MLXIPL: variants seen among roughly 807,000 people sequenced by gnomAD.
MLXIPL encodes carbohydrate-responsive element-binding protein.
Under a neutral mutation model 81.5 loss-of-function variants are expected in MLXIPL, and 49 were observed. The observed-to-expected ratio is 0.60, with a 90% CI of 0.48 to 0.76. The LOEUF is 0.76. Ranked by LOEUF, MLXIPL falls within the 30% of genes least tolerant of loss-of-function variation. The probability of loss-of-function intolerance (pLI) is 0.00; values close to 1 mark genes in which losing one functional copy is unlikely to be tolerated. For missense variants in MLXIPL, 1,053 were observed against 1,167.0 expected (o/e 0.90, Z 1.42); for synonymous variants, 466 against 485.5 (o/e 0.96, Z 0.53).
chr7:73,597,784 C>T (rs1454511789), intron 8 of MLXIPL, 71 bp from the exon 9 acceptor site: 1 of 1,187,686 alleles, frequency 8.4e-7, no homozygotes, highest in Non-Finnish European at 1.1e-6. Context: ...TCTGGGCCTC[C>T]CCTGCCCTGC....
At chr7:73,628,814 T>C (rs1304278964), upstream of MLXIPL, among the ~76,000 whole-genome samples, 3 of 152,182 alleles carry the variant, frequency 2.0e-5, no homozygotes, top group South Asian at 2.1e-4. Context: ...TTGTTCATGG[T>C]CCATGGAGAT....
intron 1 of MLXIPL, among the ~76,000 whole-genome samples, chr7:73,616,608 G>A (rs1383423728): frequency 3.9e-5 from 6 of 152,070 alleles, no homozygotes; most frequent in African/African-American, 7.2e-5. Flanking sequence ...AGAACTTTGC[G>A]GGGCCAAGGC....
At chr7:73,631,742 C>T in the MLXIPL span, among the ~76,000 whole-genome samples, 7 of 148,732 alleles carry the variant, frequency 4.7e-5, no homozygotes, top group East Asian at 1.2e-3. Flanking sequence ...TCCTTTCCTT[C>T]CTCTCTCCCC....
At position 73,616,066 on chromosome 7, in the gene MLXIPL, C is replaced by A. The variant is rs1795991187; in HGVS notation, c.400+5G>T. ...CGGCTTGGGAGGCTGGTGGTAGCCA[C>A]TCACACTGGATATACCAGGCCCTCC... On this transcript the variant is annotated splice_donor_5th_base_variant and intron_variant, in intron 2 of 16. Coordinates refer to ENST00000313375, the MANE Select transcript of MLXIPL (RefSeq NM_032951.3). The A allele has an allele frequency of 6.2e-7, 1 of 1,612,638 alleles. No homozygotes were observed. Among genetic ancestry groups the A allele is most frequent in the Non-Finnish European group, 8.5e-7 (1 of 1,178,836 alleles).
chr7:73,594,974 T>C (rs1794155879), intron 15 of MLXIPL, among the ~76,000 whole-genome samples: 1 of 151,622 alleles, frequency 6.6e-6, no homozygotes, highest in African/African-American at 2.4e-5. Flanking sequence ...GCCTCCCGAG[T>C]AGTTGGGATT....
chr7:73,612,184 A>G (rs1554599866), intron 2 of MLXIPL, among the ~76,000 whole-genome samples: 1 of 151,786 alleles, frequency 6.6e-6, no homozygotes, highest in Non-Finnish European at 1.5e-5. Flanking sequence ...AATAAAAAAT[A>G]GCTGGGTGTG....
chr7:73,598,103 A>C (rs782416214), intron 8 of MLXIPL, among the ~76,000 whole-genome samples: 4 of 151,498 alleles, frequency 2.6e-5, no homozygotes, highest in Non-Finnish European at 5.9e-5. Flanking sequence ...TCCATCCACC[A>C]ACCAACCTAC....
In MLXIPL at chr7:73,595,771, G is replaced by A. The variant is rs1794231899; in HGVS notation, c.2187-11C>T. 1.3e-6 allele frequency: 2 copies of A among 1,585,330 alleles called. No individual in the cohort carries two copies. Among genetic ancestry groups the A allele is most frequent in the African/African-American group, 1.3e-5 (1 of 74,268 alleles). On this transcript the variant is annotated splice_polypyrimidine_tract_variant and intron_variant, in intron 14 of 16. Coordinates refer to ENST00000313375, the MANE Select transcript of MLXIPL (RefSeq NM_032951.3). Reference sequence around the variant, plus strand: ...TGCTGCTGGCACAGGCTGGGGGCAGGGCAGGGGTCAGGGGCTGGGGGTAAG... The same window carrying A: ...TGCTGCTGGCACAGGCTGGGGGCAGAGCAGGGGTCAGGGGCTGGGGGTAAG...
the MLXIPL span, among the ~76,000 whole-genome samples, chr7:73,647,372 G>A: frequency 6.6e-6 from 1 of 152,070 alleles, no homozygotes; most frequent in Non-Finnish European, 1.5e-5. Context: ...ACCTGCCCAG[G>A]GCAGGGAGAG....
the MLXIPL span, among the ~76,000 whole-genome samples, chr7:73,638,830 C>T: frequency 1.3e-5 from 2 of 152,058 alleles, no homozygotes; most frequent in Non-Finnish European, 2.9e-5. Flanking sequence ...ACCATGTTGT[C>T]CAGGCTGGTC....
chr7:73,607,369 G>C lies in MLXIPL; in HGVS notation c.535C>G (p.Arg179Gly), dbSNP rs782039813. The change falls in exon 4 of 17, where the codon CGG (arginine) becomes GGG (glycine). Residue 179 changes from arginine to glycine, a missense_variant. By Grantham distance (125) the Arg-to-Gly change is moderately radical. Transcript: ENST00000313375. ...YWKRRIEVVMREYHKWRIYYK... is the reference protein window; with the variant it reads ...YWKRRIEVVMGEYHKWRIYYK... Reference sequence around the variant, plus strand: ...TAGATGCGCCACTTGTGGTATTCCCGCATCACCACCTCGATGCGCCGCTTC... The same window carrying C: ...TAGATGCGCCACTTGTGGTATTCCCCCATCACCACCTCGATGCGCCGCTTC... 6.4e-7 allele frequency: 1 copy of C among 1,567,492 alleles called. No homozygotes were observed. Among genetic ancestry groups the C allele is most frequent in the Non-Finnish European group, 8.7e-7 (1 of 1,155,766 alleles).
At chr7:73,607,171 G>A (rs1795350277) in intron 4 of MLXIPL, 153 bp from the exon 5 acceptor site, 2 of 1,260,964 alleles carry the variant, frequency 1.6e-6, no homozygotes, top group South Asian at 2.6e-5. Context: ...AGGAGACGCT[G>A]TGGCCACACG....
At chr7:73,643,876 C>T in the MLXIPL span, among the ~76,000 whole-genome samples, 1 of 152,130 alleles carries the variant, frequency 6.6e-6, no homozygotes, top group Non-Finnish European at 1.5e-5. Context: ...AAGTGATCCT[C>T]CCGCCTCAGC....
At chr7:73,626,863 C>A (rs1384101097), upstream of MLXIPL, among the ~76,000 whole-genome samples, 2 of 152,072 alleles carry the variant, frequency 1.3e-5, no homozygotes, top group African/African-American at 4.8e-5. Context: ...AGGTGGTTTC[C>A]CATGTGTGGC....
At chr7:73,637,999 C>G in the MLXIPL span, among the ~76,000 whole-genome samples, 1 of 152,164 alleles carries the variant, frequency 6.6e-6, no homozygotes, top group Non-Finnish European at 1.5e-5. Flanking sequence ...TCTCTATGTT[C>G]TTCCTACCTC....
chr7:73,645,936 G>T, the MLXIPL span, among the ~76,000 whole-genome samples: 1 of 152,284 alleles, frequency 6.6e-6, no homozygotes, highest in Non-Finnish European at 1.5e-5. Flanking sequence ...TGCCAGAAAA[G>T]CTTGTGCAGT....
At chr7:73,645,889 T>A in the MLXIPL span, among the ~76,000 whole-genome samples, 3 of 152,156 alleles carry the variant, frequency 2.0e-5, no homozygotes, top group Admixed American at 2.0e-4. Context: ...AAAATGGAGA[T>A]CTTTTCCTTC....
chr7:73,645,891 T>C, the MLXIPL span, among the ~76,000 whole-genome samples: 1 of 152,132 alleles, frequency 6.6e-6, no homozygotes, highest in Non-Finnish European at 1.5e-5. Context: ...AATGGAGATC[T>C]TTTCCTTCTC....
At chr7:73,604,885 C>T (rs1795159764) in intron 7 of MLXIPL, among the ~76,000 whole-genome samples, 1 of 152,064 alleles carries the variant, frequency 6.6e-6, no homozygotes, top group Non-Finnish European at 1.5e-5. Context: ...CCACCTCAGC[C>T]TCCTGAGTAG....
Sources: allele counts gnomAD v4.1 joint callset (sites outside exome capture counted in the v4.1 genomes callset), GRCh38; gene constraint gnomAD v4.1.1; transcripts MANE v1.5; gene names NCBI Gene and HGNC (gene_info 2026-07-23, HGNC 2026-07-21).